PLXDC2: variants seen among roughly 807,000 people sequenced by gnomAD.
PLXDC2 encodes plexin domain containing 2.
In PLXDC2, 40 loss-of-function variants were observed where a neutral mutation model predicts 68.9. The ratio of observed to expected loss-of-function variants is 0.58; its 90% confidence interval spans 0.45 to 0.76. The LOEUF (loss-of-function observed/expected upper bound fraction) is 0.76, where lower values mean the gene tolerates loss of function less well. Among genes scored for constraint, PLXDC2 ranks in the 30% least tolerant of loss-of-function variants. PLXDC2 has a pLI of 0.00. For missense variants in PLXDC2, 644 were observed against 661.9 expected (o/e 0.97, Z 0.30); for synonymous variants, 243 against 234.2 (o/e 1.04, Z -0.34).
intron 4 of PLXDC2, among the ~76,000 whole-genome samples, chr10:20,073,151 T>A (rs1836366090): frequency 1.3e-5 from 2 of 152,222 alleles, no homozygotes; most frequent in African/African-American, 4.8e-5. Flanking sequence ...CTTGAACCTG[T>A]TTCTACATTG....
At chr10:19,820,350 G>T (rs540949758) in intron 1 of PLXDC2, among the ~76,000 whole-genome samples, 2 of 152,250 alleles carry the variant, frequency 1.3e-5, no homozygotes, top group South Asian at 2.1e-4. Flanking sequence ...ATATGTGTCC[G>T]GCCGGGCGCG....
intron 1 of PLXDC2, among the ~76,000 whole-genome samples, chr10:19,866,421 A>G (rs1023913005): frequency 2.0e-5 from 3 of 152,110 alleles, no homozygotes; most frequent in African/African-American, 4.8e-5. Flanking sequence ...CTTCCGTGGG[A>G]CACCGCTGGC....
chr10:20,119,412 G>A (rs1013405284), intron 4 of PLXDC2, among the ~76,000 whole-genome samples: 1 of 151,980 alleles, frequency 6.6e-6, no homozygotes, highest in Non-Finnish European at 1.5e-5. Flanking sequence ...GTACTCAGTG[G>A]GGGAGCTTGT....
At chr10:19,961,873 T>A (rs1234494889) in intron 1 of PLXDC2, among the ~76,000 whole-genome samples, 5 of 152,326 alleles carry the variant, frequency 3.3e-5, no homozygotes, top group South Asian at 2.1e-4. Context: ...ACACATTTTC[T>A]ACTGTGTCAT....
chr10:20,031,529 G>A (rs780851567), intron 2 of PLXDC2, among the ~76,000 whole-genome samples: 1 of 152,134 alleles, frequency 6.6e-6, no homozygotes, highest in Non-Finnish European at 1.5e-5. Flanking sequence ...CACCTCTGTT[G>A]GTAGTCTACT....
At chr10:20,112,458 A>G (rs1833571780) in intron 4 of PLXDC2, among the ~76,000 whole-genome samples, 1 of 152,182 alleles carries the variant, frequency 6.6e-6, no homozygotes, top group Admixed American at 6.5e-5. Context: ...TCCTGAAATA[A>G]AGAATTCTCC....
intron 1 of PLXDC2, among the ~76,000 whole-genome samples, chr10:19,887,179 G>C (rs527449627): frequency 6.6e-5 from 10 of 152,206 alleles, no homozygotes; most frequent in African/African-American, 2.4e-4. Context: ...ACTAGAGTAT[G>C]GATCAGTTAT....
chr10:20,281,827 A>G lies in PLXDC2; in HGVS notation c.*2008A>G, dbSNP rs1324332865. The G allele has an allele frequency of 6.6e-6, 1 of 152,146 alleles. No individual in the cohort carries two copies. The highest frequency in any genetic ancestry group is 1.9e-4 in the East Asian group (1 of 5,196). The allele number at this position is 152,146 out of a possible 1,614,324, so 9.4% of individuals were successfully genotyped here. A position where few individuals can be genotyped will look rare whatever the true frequency, so the allele number is the denominator to read the frequency against. On this transcript the variant is annotated 3_prime_UTR_variant, in exon 14 of 14. Coordinates refer to ENST00000377252, the MANE Select transcript of PLXDC2 (RefSeq NM_032812.9). ...GGTGCAACTGGTATTCTACAAATGC[A>G]TAAGGAACACATAGACGACTTCCTT...
intron 1 of PLXDC2, among the ~76,000 whole-genome samples, chr10:19,825,196 C>G (rs1473482914): frequency 6.6e-6 from 1 of 152,164 alleles, no homozygotes; most frequent in Non-Finnish European, 1.5e-5. Flanking sequence ...TACTCAGTTC[C>G]TCAATTATTT....
chr10:20,139,490 A>G (rs899088048), intron 4 of PLXDC2, among the ~76,000 whole-genome samples: 7 of 152,286 alleles, frequency 4.6e-5, no homozygotes, highest in African/African-American at 7.2e-5. Flanking sequence ...AGACATGTAA[A>G]TAAAATAGTT....
intron 2 of PLXDC2, among the ~76,000 whole-genome samples, chr10:20,043,766 C>A (rs1835727595): frequency 6.6e-6 from 1 of 151,946 alleles, no homozygotes; most frequent in Non-Finnish European, 1.5e-5. Context: ...TTCTTCCAAA[C>A]CACCTTTTAT....
At chr10:20,141,546 C>T (rs1834007154) in intron 4 of PLXDC2, among the ~76,000 whole-genome samples, 1 of 152,010 alleles carries the variant, frequency 6.6e-6, no homozygotes, top group Non-Finnish European at 1.5e-5. Context: ...TGAAATAACA[C>T]TTTCAGAGTC....
intron 3 of PLXDC2, among the ~76,000 whole-genome samples, chr10:20,059,855 G>C (rs1415940695): frequency 2.6e-5 from 4 of 152,064 alleles, no homozygotes; most frequent in Non-Finnish European, 5.9e-5. Context: ...GGATACACTA[G>C]GCCCACTTGT....
At chr10:19,971,287 G>A (rs182603455) in intron 1 of PLXDC2, among the ~76,000 whole-genome samples, 14 of 152,262 alleles carry the variant, frequency 9.2e-5, no homozygotes, top group Admixed American at 6.5e-4. Flanking sequence ...ATCATAACAT[G>A]ACGAGTGAGT....
intron 13 of PLXDC2, among the ~76,000 whole-genome samples, chr10:20,277,208 C>CA (rs60978653): frequency 0.016 from 1,083 of 67,944 alleles, 99 homozygotes; most frequent in African/African-American, 0.056. Flanking sequence ...GATTCCATCT[C>CA]AAAAAAAAAA....
chr10:19,837,630 A>G (rs1032657139), intron 1 of PLXDC2, among the ~76,000 whole-genome samples: 15 of 152,188 alleles, frequency 9.9e-5, no homozygotes, highest in Non-Finnish European at 1.9e-4. Context: ...ATGAGTTGCA[A>G]ACACAAAAAC....
At chr10:19,925,309 G>GT (rs1345833978) in intron 1 of PLXDC2, among the ~76,000 whole-genome samples, 1 of 152,212 alleles carries the variant, frequency 6.6e-6, no homozygotes, top group African/African-American at 2.4e-5. Context: ...CAATTCTGCT[G>GT]TAAGTGGGCC....
chr10:20,203,292 ATT>A (rs10582241), intron 9 of PLXDC2, among the ~76,000 whole-genome samples: 40,096 of 144,606 alleles, frequency 0.28, 6,165 homozygotes, highest in African/African-American at 0.43. Flanking sequence ...AATAAGATGA[ATT>A]TTTTTTTTTT....
chr10:20,117,457 A>C (rs1276126810), intron 4 of PLXDC2, among the ~76,000 whole-genome samples: 1 of 152,170 alleles, frequency 6.6e-6, no homozygotes, highest in African/African-American at 2.4e-5. Context: ...AATTTATATG[A>C]GAGAACAAAG....
Sources: gnomAD v4.1 joint callset for allele counts (sites outside exome capture counted in the v4.1 genomes callset) on GRCh38, gnomAD v4.1.1 for gene constraint, MANE v1.5 for transcripts, NCBI Gene and HGNC (gene_info 2026-07-23, HGNC 2026-07-21) for gene names.